PTGER3: variants seen among roughly 807,000 people sequenced by gnomAD.
PTGER3 encodes the protein prostaglandin E receptor 3.
PTGER3 carries 22 observed loss-of-function variants against 34.7 expected under a neutral mutation model. The observed-to-expected ratio is 0.63, with a 90% CI of 0.45 to 0.91. The LOEUF is 0.91. Ranked by LOEUF, PTGER3 falls within the 40% of genes least tolerant of loss-of-function variation. PTGER3 has a pLI of 0.00. For missense variants in PTGER3, 468 were observed against 519.4 expected (o/e 0.90, Z 0.96); for synonymous variants, 241 against 230.1 (o/e 1.05, Z -0.43).
In PTGER3 at chr1:70,890,727, T is replaced by C. The variant is rs563126930; in HGVS notation, c.*24-37868A>G. Among the ~76,000 whole-genome samples the C allele has an allele frequency of 8.5e-5, 13 of 152,342 alleles. No homozygotes were observed. In the South Asian group the frequency reaches 2.7e-3, roughly 32 times the overall value. On this transcript the variant is annotated intron_variant, in intron 4 of 4. Coordinates refer to the PTGER3 transcript ENST00000370931. ...CTCCCTGACCTATCCTTCATGGTGC[T>C]ATAAGGGAAATTGGTTTTTATCATG...
chr1:70,886,249 C>A, intron 4 of PTGER3: 1 of 442,982 alleles, frequency 2.3e-6, no homozygotes, highest in South Asian at 1.6e-5. Context: ...AGAAGACTGA[C>A]ATGTGCAAAC....
At chr1:70,915,599 T>C (rs2100414121) in intron 4 of PTGER3, among the ~76,000 whole-genome samples, 1 of 152,092 alleles carries the variant, frequency 6.6e-6, no homozygotes, top group South Asian at 2.1e-4. Context: ...TACTTGACTG[T>C]TGAGGAATTC....
At chr1:70,862,234 G>A in intron 4 of PTGER3, 3 of 806,758 alleles carry the variant, frequency 3.7e-6, no homozygotes, top group Non-Finnish European at 5.0e-6. Flanking sequence ...AAAACAAATG[G>A]AGATTTAAAC....
At chr1:70,869,268 TG>T (rs1337896239) in intron 4 of PTGER3, 1 of 471,518 alleles carries the variant, frequency 2.1e-6, no homozygotes, top group Non-Finnish European at 4.4e-6. Context: ...CACCAAGTCC[TG>T]GGGACCTGCC....
downstream of PTGER3, among the ~76,000 whole-genome samples, chr1:70,967,249 T>A (rs1334502785): frequency 6.6e-6 from 1 of 152,066 alleles, no homozygotes; most frequent in Non-Finnish European, 1.5e-5. Flanking sequence ...TATCACCTAC[T>A]TGTCTTAGGC....
Position 71,046,672 on chromosome 1 carries a change from A to C in PTGER3, c.897+9T>G. On this transcript the variant is annotated intron_variant, in intron 1 of 3. Transcript: ENST00000306666. ...CATCCTGACTTCCCCCAACCCTGGA[A>C]CTACCTACCAGGAGCGGAGACCAGC... 2 of 1,535,312 alleles carry C rather than the reference A, an allele frequency of 1.3e-6. No homozygotes were observed. The highest frequency in any genetic ancestry group is 1.7e-6 in the Non-Finnish European group (2 of 1,143,878).
At chr1:70,927,404 C>G (rs150388148) in intron 4 of PTGER3, among the ~76,000 whole-genome samples, 187 of 152,180 alleles carry the variant, frequency 1.2e-3, no homozygotes, top group South Asian at 9.8e-3. Flanking sequence ...TTTTAATTTT[C>G]TAGCTTGAAC....
chr1:70,868,044 C>T (rs1646080425), intron 4 of PTGER3, among the ~76,000 whole-genome samples: 1 of 152,128 alleles, frequency 6.6e-6, no homozygotes, highest in Admixed American at 6.5e-5. Flanking sequence ...AAAAGTCAAA[C>T]TCCTAAGCAA....
downstream of PTGER3, among the ~76,000 whole-genome samples, chr1:70,948,948 TCTC>T (rs1372649864): frequency 7.2e-5 from 11 of 152,138 alleles, no homozygotes; most frequent in African/African-American, 2.7e-4. Flanking sequence ...AGAGCACGCT[TCTC>T]AAAAGTTCTG....
At chr1:70,953,431 G>C (rs193201334) in intron 3 of PTGER3, among the ~76,000 whole-genome samples, 2 of 152,134 alleles carry the variant, frequency 1.3e-5, no homozygotes, top group Non-Finnish European at 2.9e-5. Context: ...GTGCAGTGGA[G>C]TCTAGTGATG....
At chr1:70,975,039 A>T (rs1297868748) in intron 2 of PTGER3, among the ~76,000 whole-genome samples, 2 of 152,144 alleles carry the variant, frequency 1.3e-5, no homozygotes, top group Non-Finnish European at 2.9e-5. Context: ...GTTCACTAGG[A>T]CTGGTGCCTC....
chr1:71,047,178 C>G lies in PTGER3; in HGVS notation c.400G>C (p.Gly134Arg). 6.2e-7 allele frequency: 1 copy of G among 1,600,172 alleles called. No individual in the cohort carries two copies. Residue 134 changes from glycine to arginine, a missense_variant, in exon 1 of 4, where the codon GGG (glycine) becomes CGG (arginine). Transcript: ENST00000306666. ...AGCCCGAAAACAGTCATGGTCAGCC[C>G]GAAAAAGGTGCAGAGCCGCCCCGAC... ...DPSGRLCTFF[G>R]LTMTVFGLSS...
At chr1:70,877,490 C>T (rs111846162) in intron 4 of PTGER3, among the ~76,000 whole-genome samples, 2,584 of 152,178 alleles carry the variant, frequency 0.017, 72 homozygotes, top group African/African-American at 0.06. Flanking sequence ...CCAGTACTAT[C>T]TTAAATAGGG....
At chr1:70,930,473 T>A (rs1376711663) in intron 4 of PTGER3, among the ~76,000 whole-genome samples, 1 of 152,216 alleles carries the variant, frequency 6.6e-6, no homozygotes, top group Non-Finnish European at 1.5e-5. Context: ...CTTTCCAGTT[T>A]CCTGAGAAAA....
intron 2 of PTGER3, among the ~76,000 whole-genome samples, chr1:70,954,348 T>C (rs1261685576): frequency 6.6e-6 from 1 of 152,106 alleles, no homozygotes; most frequent in Non-Finnish European, 1.5e-5. Flanking sequence ...TTATGAGGCT[T>C]CATTTTGTGA....
chr1:70,962,270 C>T (rs1557689862), intron 2 of PTGER3, among the ~76,000 whole-genome samples: 1 of 152,114 alleles, frequency 6.6e-6, no homozygotes, highest in Non-Finnish European at 1.5e-5. Context: ...TGTTATTTTT[C>T]CTGGAGTTTC....
Position 70,961,998 on chromosome 1 carries a change from G to A in PTGER3, c.1078-8209C>T, listed in dbSNP as rs187655404. On this transcript the variant is annotated intron_variant, in intron 2 of 3. Coordinates refer to the PTGER3 transcript ENST00000356595. ...TCTTTGCCTTTTGGGGATTTGTAAT[G>A]ATTCTAAATATAGTGACCTGATATA... is the stretch of plus-strand genomic sequence containing the variant. 6.6e-5 allele frequency among the ~76,000 whole-genome samples: 10 copies of A among 152,298 alleles called. No individual in the cohort carries two copies. The East Asian group carries it at 1.9e-3, about 29-fold the overall frequency.
rs1648594301 is a variant in PTGER3 at position 70,930,629 on chromosome 1, TAC to T, written c.*23+23132_*23+23133del. Among the ~76,000 whole-genome samples, 5 of 152,228 alleles carry T rather than the reference TAC, an allele frequency of 3.3e-5. No homozygotes were observed. In the South Asian group the frequency reaches 1.0e-3, roughly 32 times the overall value. ...ACAATGGGAGGCAAAAGGCACTTCT[TAC>T]ATGGCAGTGGCAAGAGAAAATGAGG... is the stretch of plus-strand genomic sequence containing the variant. On this transcript the variant is annotated intron_variant, in intron 4 of 4. Transcript: ENST00000370931.
Position 71,047,078 on chromosome 1 carries a change from C to T in PTGER3, c.500G>A (p.Ser167Asn). ...GCGGGTGGCACGCGTCTTCATGTGG[C>T]TCGCATACCAGTGCGGCGCCCTGAT... ...LAIRAPHWYA[S>N]HMKTRATRAV... Residue 167 changes from serine (S) to asparagine (N), a missense_variant, in exon 1 of 4, where the codon AGC becomes AAC. Physicochemically the swap from Ser to Asn is conservative, Grantham distance 46. Coordinates refer to ENST00000306666, the MANE Select transcript of PTGER3 (RefSeq NM_198719.2). 1.2e-6 allele frequency: 2 copies of T among 1,610,986 alleles called. No individual in the cohort carries two copies. The highest frequency in any genetic ancestry group is 1.1e-5 in the South Asian group (1 of 90,966).
Sources: gnomAD v4.1 joint callset for allele counts (sites outside exome capture counted in the v4.1 genomes callset) on GRCh38, gnomAD v4.1.1 for gene constraint, MANE v1.5 for transcripts, NCBI Gene and HGNC (gene_info 2026-07-23, HGNC 2026-07-21) for gene names.